Variants in DTNA observed in about 807,000 individuals in gnomAD.
DTNA encodes dystrobrevin alpha.
DTNA carries 43 observed loss-of-function variants against 100.7 expected under a neutral mutation model. The observed-to-expected ratio is 0.43, with a 90% CI of 0.33 to 0.55. DTNA has a LOEUF of 0.55. DTNA is among the 20% of genes least tolerant of loss of function. DTNA has a pLI of 0.04. For synonymous variants in DTNA, 349 were observed against 347.9 expected (o/e 1.00, Z -0.04); for missense variants, 798 against 953.9 (o/e 0.84, Z 2.15).
intron 1 of DTNA, among the ~76,000 whole-genome samples, chr18:34,594,910 C>T (rs2050280771): frequency 6.6e-6 from 1 of 152,178 alleles, no homozygotes. Context: ...AAGAAAGAAT[C>T]TGACTTAAGA....
intron 1 of DTNA, among the ~76,000 whole-genome samples, chr18:34,716,284 G>C (rs1406833369): frequency 2.0e-5 from 3 of 152,098 alleles, no homozygotes; most frequent in Non-Finnish European, 4.4e-5. Flanking sequence ...GAAGTCGGCC[G>C]GGCACCGTGG....
intron 1 of DTNA, among the ~76,000 whole-genome samples, chr18:34,700,708 C>T (rs1379565240): frequency 6.6e-6 from 1 of 152,204 alleles, no homozygotes; most frequent in Non-Finnish European, 1.5e-5. Flanking sequence ...GTGCTTGCAG[C>T]ACTCCATGTC....
chr18:34,621,354 T>G (rs989041781), intron 1 of DTNA, among the ~76,000 whole-genome samples: 5 of 151,940 alleles, frequency 3.3e-5, no homozygotes, highest in Non-Finnish European at 7.4e-5. Context: ...GCTTTCTTAA[T>G]AAATAGAGCT....
At position 34,794,281 on chromosome 18, in the gene DTNA, TA is replaced by T. The variant is rs1568546294; in HGVS notation, c.362+32del. ...CACCCTCTGAATGTCTGTTCCTCTC[TA>T]CATGTTTGGCTTTCACTTCCTGTCT... On this transcript the variant is annotated intron_variant, in intron 4 of 22. Transcript: ENST00000444659. 5.0e-6 allele frequency: 8 copies of T among 1,613,080 alleles called. No homozygotes were observed. The South Asian group carries it at 5.5e-5, about 11-fold the overall frequency.
At chr18:34,725,931 A>G (rs1038761376) in intron 1 of DTNA, among the ~76,000 whole-genome samples, 48 of 152,232 alleles carry the variant, frequency 3.2e-4, no homozygotes, top group African/African-American at 1.1e-3. Context: ...AAAAAGGATG[A>G]GTTCATATCC....
At chr18:34,819,129 C>T (rs978916464) in intron 8 of DTNA, among the ~76,000 whole-genome samples, 23 of 152,254 alleles carry the variant, frequency 1.5e-4, no homozygotes, top group African/African-American at 5.5e-4. Flanking sequence ...ACCATCAGCC[C>T]TTCCAGCACC....
intron 3 of DTNA, among the ~76,000 whole-genome samples, chr18:34,779,985 A>G (rs2094242983): frequency 6.6e-6 from 1 of 152,208 alleles, no homozygotes; most frequent in African/African-American, 2.4e-5. Flanking sequence ...ATCAAATAGT[A>G]ATTCCCCTCT....
chr18:34,530,916 G>A (rs569231187), intron 1 of DTNA, among the ~76,000 whole-genome samples: 2 of 152,250 alleles, frequency 1.3e-5, no homozygotes, highest in South Asian at 2.1e-4. Flanking sequence ...TACATCAGCA[G>A]CCTCTCTTCT....
chr18:34,708,550 A>C (rs2082396859), upstream of DTNA, among the ~76,000 whole-genome samples: 1 of 152,162 alleles, frequency 6.6e-6, no homozygotes. Context: ...AATATGCTTA[A>C]CCTTCTGACT....
rs138068117 is a variant in DTNA at position 34,544,600 on chromosome 18, T to C, written c.-2+51086T>C. 9.2e-5 allele frequency among the ~76,000 whole-genome samples: 14 copies of C among 152,272 alleles called. No homozygotes were observed. The East Asian group carries it at 2.5e-3, about 27-fold the overall frequency. On this transcript the variant is annotated intron_variant, in intron 1 of 19. Coordinates refer to the DTNA transcript ENST00000283365. ...TAACAATTTTAAATTAGAGTACATA[T>C]ATTTATAATTACATCTGCATTGAAG...
intron 1 of DTNA, among the ~76,000 whole-genome samples, chr18:34,664,896 G>A (rs1220598906): frequency 6.6e-6 from 1 of 151,694 alleles, no homozygotes; most frequent in African/African-American, 2.4e-5. Context: ...GTAGGATATG[G>A]GATCCCTTTT....
intron 1 of DTNA, among the ~76,000 whole-genome samples, chr18:34,750,228 C>T (rs146082609): frequency 2.2e-3 from 340 of 152,224 alleles, no homozygotes; most frequent in African/African-American, 8.1e-3. Flanking sequence ...ATTTTAATTG[C>T]GAGACTGTGA....
intron 1 of DTNA, among the ~76,000 whole-genome samples, chr18:34,723,577 A>T (rs1600837535): frequency 6.6e-6 from 1 of 152,182 alleles, no homozygotes; most frequent in East Asian, 1.9e-4. Flanking sequence ...AAAATGGGCA[A>T]GGGACATAAG....
chr18:34,632,732 T>C (rs761402704), intron 1 of DTNA, among the ~76,000 whole-genome samples: 5 of 152,220 alleles, frequency 3.3e-5, no homozygotes, highest in Non-Finnish European at 5.9e-5. Context: ...ATCTTAATTT[T>C]AATTCACTAA....
At chr18:34,526,309 A>T (rs2042609149) in intron 1 of DTNA, among the ~76,000 whole-genome samples, 1 of 152,138 alleles carries the variant, frequency 6.6e-6, no homozygotes, top group Non-Finnish European at 1.5e-5. Flanking sequence ...TAATTAATTT[A>T]AAAATAAAAC....
intron 1 of DTNA, among the ~76,000 whole-genome samples, chr18:34,686,834 G>A (rs777368402): frequency 6.6e-6 from 1 of 151,966 alleles, no homozygotes; most frequent in Non-Finnish European, 1.5e-5. Context: ...ATTTGTTATT[G>A]GTCTGTTCAG....
At chr18:34,806,916 A>ATTGT (rs58038519) in intron 5 of DTNA, among the ~76,000 whole-genome samples, 2,623 of 151,926 alleles carry the variant, frequency 0.017, 71 homozygotes, top group African/African-American at 0.055. Flanking sequence ...CACACTGGGG[A>ATTGT]TTGTTTGTTT....
intron 4 of DTNA, among the ~76,000 whole-genome samples, chr18:34,803,122 T>G (rs2095268009): frequency 6.6e-6 from 1 of 152,174 alleles, no homozygotes; most frequent in Admixed American, 6.5e-5. Context: ...TTTGGTGTGC[T>G]TGCCACGACC....
chr18:34,535,181 C>T (rs1423781998), intron 1 of DTNA, among the ~76,000 whole-genome samples: 1 of 152,110 alleles, frequency 6.6e-6, no homozygotes, highest in Non-Finnish European at 1.5e-5. Flanking sequence ...TAATAATTGT[C>T]ATTCTAACTG....
Sources: gnomAD v4.1 joint callset for allele counts (sites outside exome capture counted in the v4.1 genomes callset) on GRCh38, gnomAD v4.1.1 for gene constraint, MANE v1.5 for transcripts, NCBI Gene and HGNC (gene_info 2026-07-23, HGNC 2026-07-21) for gene names.